GALNT13: variants seen among roughly 807,000 people sequenced by gnomAD.
The protein encoded by GALNT13 is polypeptide N-acetylgalactosaminyltransferase 13, also known as UDP-GalNAc:polypeptide N-acetylgalactosaminyltransferase 13.
A neutral mutation model predicts 64.2 loss-of-function variants in GALNT13; 28 were observed. The ratio of observed to expected loss-of-function variants is 0.44; its 90% confidence interval spans 0.32 to 0.60. The LOEUF (loss-of-function observed/expected upper bound fraction) is 0.60. Among genes scored for constraint, GALNT13 ranks in the 20% least tolerant of loss-of-function variants. The probability of loss-of-function intolerance (pLI) is 0.05; values close to 1 mark genes in which losing one functional copy is unlikely to be tolerated. For synonymous variants in GALNT13, 214 were observed against 224.6 expected (o/e 0.95, Z 0.42); for missense variants, 577 against 669.8 (o/e 0.86, Z 1.53).
At chr2:153,240,266 CT>C in the GALNT13 span, among the ~76,000 whole-genome samples, 1 of 151,896 alleles carries the variant, frequency 6.6e-6, no homozygotes, top group Non-Finnish European at 1.5e-5. Flanking sequence ...TTTAAATCAA[CT>C]TTTTAGACTG....
chr2:153,968,468 GGCA>G (rs1693526655), intron 3 of GALNT13, among the ~76,000 whole-genome samples: 1 of 152,132 alleles, frequency 6.6e-6, no homozygotes, highest in African/African-American at 2.4e-5. Context: ...GGGTGTTGTA[GGCA>G]ATGCAAAACT....
At chr2:153,069,268 C>T in the GALNT13 span, among the ~76,000 whole-genome samples, 2 of 152,122 alleles carry the variant, frequency 1.3e-5, no homozygotes, top group African/African-American at 4.8e-5. Flanking sequence ...TTCTGTTGTC[C>T]TTTCTATAAT....
intron 4 of GALNT13, among the ~76,000 whole-genome samples, chr2:154,160,481 A>G (rs1039656513): frequency 6.6e-6 from 1 of 152,100 alleles, no homozygotes; most frequent in Non-Finnish European, 1.5e-5. Flanking sequence ...CCAAATTTGC[A>G]AAGGTACTTC....
the GALNT13 span, among the ~76,000 whole-genome samples, chr2:153,698,486 A>C: frequency 2.0e-5 from 3 of 152,186 alleles, no homozygotes; most frequent in African/African-American, 7.2e-5. Flanking sequence ...AAGATCAAAA[A>C]AGACAAAGAA....
chr2:153,437,447 T>C, the GALNT13 span, among the ~76,000 whole-genome samples: 3 of 152,108 alleles, frequency 2.0e-5, no homozygotes, highest in Non-Finnish European at 4.4e-5. Flanking sequence ...CCCACTATTA[T>C]TGTGTGGGAG....
At chr2:153,135,133 G>T in the GALNT13 span, among the ~76,000 whole-genome samples, 1 of 152,094 alleles carries the variant, frequency 6.6e-6, no homozygotes, top group East Asian at 1.9e-4. Context: ...GGCTCCCTTG[G>T]TAGCTTGCAG....
chr2:154,339,829 C>T (rs1416429188), intron 9 of GALNT13, among the ~76,000 whole-genome samples: 1 of 151,940 alleles, frequency 6.6e-6, no homozygotes. Context: ...GACAGATTTT[C>T]TCAAATTGAT....
At chr2:153,303,289 A>G in the GALNT13 span, among the ~76,000 whole-genome samples, 4 of 151,848 alleles carry the variant, frequency 2.6e-5, no homozygotes, top group African/African-American at 4.8e-5. Context: ...AAGTTATTTT[A>G]TTATTAGTTG....
At chr2:153,322,435 A>C in the GALNT13 span, among the ~76,000 whole-genome samples, 124,970 of 152,002 alleles carry the variant, frequency 0.82, 52,313 homozygotes, top group Non-Finnish European at 0.87. Context: ...TAGATAGATT[A>C]CATGTCTTTC....
chr2:153,590,491 T>C, the GALNT13 span, among the ~76,000 whole-genome samples: 1 of 151,914 alleles, frequency 6.6e-6, no homozygotes, highest in African/African-American at 2.4e-5. Flanking sequence ...GAGGCCAGTA[T>C]TACACTGATA....
chr2:154,147,094 T>C (rs1388901785), intron 4 of GALNT13, among the ~76,000 whole-genome samples: 1 of 152,086 alleles, frequency 6.6e-6, no homozygotes, highest in African/African-American at 2.4e-5. Context: ...TAAGTGAATT[T>C]ACATTGTTGT....
chr2:154,431,327 T>C (rs914447615), intron 11 of GALNT13, among the ~76,000 whole-genome samples: 1 of 152,184 alleles, frequency 6.6e-6, no homozygotes, highest in African/African-American at 2.4e-5. Context: ...CACAGGCTCA[T>C]GCTAGAGATT....
intron 3 of GALNT13, among the ~76,000 whole-genome samples, chr2:154,131,155 T>G (rs1381761802): frequency 6.6e-6 from 1 of 152,152 alleles, no homozygotes; most frequent in Non-Finnish European, 1.5e-5. Context: ...TCAGCATAAT[T>G]TTATTATCTT....
the GALNT13 span, among the ~76,000 whole-genome samples, chr2:153,457,946 A>G: frequency 3.3e-5 from 5 of 152,264 alleles, no homozygotes; most frequent in Middle Eastern, 3.4e-3. Flanking sequence ...ACCCTGGAGT[A>G]CCTCATCCCC....
At chr2:153,823,807 A>G in the GALNT13 span, among the ~76,000 whole-genome samples, 2 of 152,184 alleles carry the variant, frequency 1.3e-5, no homozygotes, top group Non-Finnish European at 2.9e-5. Flanking sequence ...ACAACCAAAT[A>G]AATCATCAAC....
At chr2:153,814,513 A>G in the GALNT13 span, among the ~76,000 whole-genome samples, 2 of 151,976 alleles carry the variant, frequency 1.3e-5, no homozygotes, top group African/African-American at 4.8e-5. Context: ...AAATAAAACA[A>G]TTCATGACCA....
intron 4 of GALNT13, among the ~76,000 whole-genome samples, chr2:154,226,875 A>T (rs1324543509): frequency 6.6e-6 from 1 of 152,130 alleles, no homozygotes; most frequent in African/African-American, 2.4e-5. Flanking sequence ...ATTTATATTG[A>T]TTTTATATTT....
At chr2:153,073,866 C>T in the GALNT13 span, among the ~76,000 whole-genome samples, 12 of 152,222 alleles carry the variant, frequency 7.9e-5, no homozygotes, top group Non-Finnish European at 1.0e-4. Context: ...ATCTTCCCCC[C>T]TCCCTTTATA....
At chr2:153,312,861 T>A in the GALNT13 span, among the ~76,000 whole-genome samples, 1 of 152,124 alleles carries the variant, frequency 6.6e-6, no homozygotes, top group Non-Finnish European at 1.5e-5. Context: ...GTGAATTTTA[T>A]CCCAAACCCA....
Sources: gnomAD v4.1 joint callset for allele counts (sites outside exome capture counted in the v4.1 genomes callset) on GRCh38, gnomAD v4.1.1 for gene constraint, MANE v1.5 for transcripts, NCBI Gene and HGNC (gene_info 2026-07-23, HGNC 2026-07-21) for gene names.